TREML4: variants seen among roughly 807,000 people sequenced by gnomAD.
TREML4 encodes the protein triggering receptor expressed on myeloid cells like 4.
A neutral mutation model predicts 25.4 loss-of-function variants in TREML4; 25 were observed. That is an observed-to-expected ratio of 0.98 (90% CI 0.72 to 1.37). The LOEUF (loss-of-function observed/expected upper bound fraction) is 1.37, where lower values mean the gene tolerates loss of function less well. Among genes scored for constraint, TREML4 ranks in the 40% most tolerant of loss-of-function variants. The pLI is 0.00. For missense variants in TREML4, 268 were observed against 236.5 expected, an observed-to-expected ratio of 1.13 and a Z score of -0.87; for synonymous variants, 92 against 87.9, an observed-to-expected ratio of 1.05 and a Z score of -0.26.
In TREML4 at chr6:41,229,504, C is replaced by T; in HGVS notation, c.395-17C>T. On this transcript the variant is annotated splice_polypyrimidine_tract_variant and intron_variant, in intron 2 of 5. Coordinates refer to ENST00000341495, the MANE Select transcript of TREML4 (RefSeq NM_198153.3). ...TGGGCCCCTGGAGAGTCATTGTCTGCTGTCTTTTCTCTTTAGCCCCAACCA... is the reference window on the plus strand; with the variant it reads ...TGGGCCCCTGGAGAGTCATTGTCTGTTGTCTTTTCTCTTTAGCCCCAACCA... 6.2e-7 allele frequency: 1 copy of T among 1,613,760 alleles called. No homozygotes were observed. The highest frequency in any genetic ancestry group is 2.2e-5 in the East Asian group (1 of 44,846).
rs1766944538 is a variant in TREML4 at position 41,238,574 on chromosome 6, G to T, written c.*1555G>T. 6.6e-6 allele frequency: 1 copy of T among 152,106 alleles called. No homozygotes were observed. Among genetic ancestry groups the T allele is most frequent in the Non-Finnish European group, 1.5e-5 (1 of 68,026 alleles). 9.4% of individuals were successfully genotyped at this position (152,106 alleles called of 1,614,324 possible). Reference sequence around the variant, plus strand: ...ATACCCTCCTTCACGTTCTCTTGTGGAATCATGTGAGACTTCCTTTAGGAC... The same window carrying T: ...ATACCCTCCTTCACGTTCTCTTGTGTAATCATGTGAGACTTCCTTTAGGAC... On this transcript the variant is annotated 3_prime_UTR_variant, in exon 6 of 6. Coordinates refer to ENST00000341495, the MANE Select transcript of TREML4 (RefSeq NM_198153.3).
chr6:41,229,709 C>T (rs1766750120), intron 3 of TREML4, 138 bp downstream of exon 3: 1 of 853,416 alleles, frequency 1.2e-6, no homozygotes, highest in Non-Finnish European at 2.0e-6. Context: ...GGGAAGCTAC[C>T]TTCAGGGCCC....
At chr6:41,232,043 A>T (rs1034706293) in intron 4 of TREML4, among the ~76,000 whole-genome samples, 11 of 152,172 alleles carry the variant, frequency 7.2e-5, no homozygotes, top group Non-Finnish European at 1.2e-4. Flanking sequence ...GATCACCTAC[A>T]AAGTGATAAG....
intron 4 of TREML4, among the ~76,000 whole-genome samples, chr6:41,235,790 A>T (rs6906972): frequency 0.34 from 51,662 of 152,040 alleles, 8,780 homozygotes; most frequent in Middle Eastern, 0.43. Context: ...AACTTGAAAA[A>T]TTTACTCTAA....
chr6:41,236,266 G>C (rs1438113944), intron 4 of TREML4, among the ~76,000 whole-genome samples: 1 of 152,112 alleles, frequency 6.6e-6, no homozygotes, highest in African/African-American at 2.4e-5. Flanking sequence ...CCCCTGGCCA[G>C]CTTTTTCCTC....
At position 41,228,401 on chromosome 6, in the gene TREML4, C is replaced by T. The variant is rs369584007; in HGVS notation, c.-27C>T. On this transcript the variant is annotated 5_prime_UTR_variant, in exon 1 of 6. Coordinates refer to ENST00000341495, the MANE Select transcript of TREML4 (RefSeq NM_198153.3). ...GGGCTCCCTTTTTTCTCCTCTCCTC[C>T]GCTGTCAGAAACAGATCTGGGCTGG... 217 of 1,585,544 alleles carry T rather than the reference C, an allele frequency of 1.4e-4. No individual in the cohort carries two copies. The highest frequency in any genetic ancestry group is 1.7e-4 in the Non-Finnish European group (201 of 1,163,780).
chr6:41,231,534 T>C (rs1487193806), intron 4 of TREML4, among the ~76,000 whole-genome samples: 1 of 152,124 alleles, frequency 6.6e-6, no homozygotes, highest in East Asian at 1.9e-4. Flanking sequence ...CCAGGAACTC[T>C]AGGTACCTAT....
rs762566399 is a variant in TREML4, at chr6:41,229,507, T to C, written c.395-14T>C. 7.4e-6 allele frequency: 12 copies of C among 1,613,670 alleles called. No homozygotes were observed. In the East Asian group the frequency reaches 2.5e-4, roughly 33 times the overall value. The stretch of plus-strand genomic sequence containing the variant: ...GCCCCTGGAGAGTCATTGTCTGCTG[T>C]CTTTTCTCTTTAGCCCCAACCACGT... On this transcript the variant is annotated splice_polypyrimidine_tract_variant and intron_variant, in intron 2 of 5. Coordinates refer to ENST00000341495, the MANE Select transcript of TREML4 (RefSeq NM_198153.3).
intron 4 of TREML4, 37 bp downstream of exon 4, chr6:41,230,159 G>C (rs776737909): frequency 6.6e-7 from 1 of 1,526,492 alleles, no homozygotes; most frequent in East Asian, 2.3e-5. Flanking sequence ...GGGAGGTCTT[G>C]GGAAGGGAGG....
rs1055862594 is a variant in TREML4, at chr6:41,230,122, G to T, written c.506G>T (p.Arg169Met). The T allele has an allele frequency of 7.5e-6, 12 of 1,607,338 alleles. No homozygotes were observed. Among genetic ancestry groups the T allele is most frequent in the Admixed American group, 3.3e-5 (2 of 60,018 alleles). ...CCCTCCATCAATGGCTCTGAGACCA[G>T]GTAGGTCAGAGGTTTTAACACTGGG... Reference protein sequence around the residue: ...GHPSINGSETRKSRAPACLGS... With the variant: ...GHPSINGSETMKSRAPACLGS... The change falls in exon 4 of 6, where the codon AGG becomes ATG. Residue 169 changes from arginine to methionine, a missense_variant and splice_region_variant. By Grantham distance (91) the Arg-to-Met change is moderately conservative. Transcript: ENST00000341495.
intron 4 of TREML4, among the ~76,000 whole-genome samples, chr6:41,233,340 T>C (rs1766836810): frequency 1.3e-5 from 2 of 152,196 alleles, no homozygotes; most frequent in Non-Finnish European, 1.5e-5. Context: ...TGCAATGTTA[T>C]ACTATCTATA....
chr6:41,229,689 C>T, intron 3 of TREML4, 118 bp downstream of exon 3: 2 of 1,099,136 alleles, frequency 1.8e-6, no homozygotes, highest in Non-Finnish European at 2.8e-6. Context: ...CTCTTGGGGC[C>T]TGGGCTTGTG....
At chr6:41,233,046 G>A (rs1426130891) in intron 4 of TREML4, among the ~76,000 whole-genome samples, 1 of 152,180 alleles carries the variant, frequency 6.6e-6, no homozygotes, top group Non-Finnish European at 1.5e-5. Context: ...CTTGTCTCAT[G>A]AGAGGCAATA....
Position 41,238,820 on chromosome 6 carries a change from T to C in TREML4, c.*1801T>C, listed in dbSNP as rs1239539876. Reference sequence around the variant, plus strand: ...GAGTGATGCTACATGGGGCTAGATATATGATTATCTCTACTTTTGTGTATG... The same window carrying C: ...GAGTGATGCTACATGGGGCTAGATACATGATTATCTCTACTTTTGTGTATG... On this transcript the variant is annotated 3_prime_UTR_variant, in exon 6 of 6. Transcript: ENST00000341495. 1 of 152,234 alleles carries C rather than the reference T, an allele frequency of 6.6e-6. No homozygotes were observed. 9.4% of individuals were successfully genotyped at this position (152,234 alleles called of 1,614,324 possible).
chr6:41,235,350 C>T (rs1004755629), intron 4 of TREML4, among the ~76,000 whole-genome samples: 2 of 152,072 alleles, frequency 1.3e-5, no homozygotes, highest in African/African-American at 4.8e-5. Flanking sequence ...GAAAGGAAAA[C>T]AGGTTACATG....
chr6:41,228,502 G>T lies in TREML4; in HGVS notation c.63+12G>T. 6.2e-7 allele frequency: 1 copy of T among 1,611,402 alleles called. No individual in the cohort carries two copies. Among genetic ancestry groups the T allele is most frequent in the Non-Finnish European group, 8.5e-7 (1 of 1,178,958 alleles). On this transcript the variant is annotated intron_variant, in intron 1 of 5. Transcript: ENST00000341495. The stretch of plus-strand genomic sequence containing the variant: ...GCTCCTGGCCTCAGGTGACATGGAG[G>T]GAAAGAGTGCAGGGGGTGTAAGGAG...
intron 5 of TREML4, 71 bp downstream of exon 5, chr6:41,236,688 G>A: frequency 1.2e-6 from 1 of 832,902 alleles, no homozygotes; most frequent in Non-Finnish European, 1.9e-6. Context: ...AAGATGGCTA[G>A]GAAGAAGCAG....
rs998401731 is a variant in TREML4, at chr6:41,238,435, T to A, written c.*1416T>A. ...TGCTGGGCACATATACACAGCCCAC[T>A]TCTTTTCAGTGCTTATTCCATTGCG... On this transcript the variant is annotated 3_prime_UTR_variant, in exon 6 of 6. Coordinates refer to ENST00000341495, the MANE Select transcript of TREML4 (RefSeq NM_198153.3). The A allele has an allele frequency of 6.6e-6, 1 of 152,356 alleles. No individual in the cohort carries two copies. The highest frequency in any genetic ancestry group is 2.4e-5 in the African/African-American group (1 of 41,578). The allele number at this position is 152,356 out of a possible 1,614,324, so 9.4% of individuals were successfully genotyped here.
chr6:41,229,633 G>A (rs866397182), intron 3 of TREML4, 62 bp downstream of exon 3: 1 of 1,575,592 alleles, frequency 6.3e-7, no homozygotes, highest in Non-Finnish European at 8.7e-7. Flanking sequence ...GGGAGCCTCA[G>A]ATTCAGGGAA....
Sources: allele counts gnomAD v4.1 joint callset (sites outside exome capture counted in the v4.1 genomes callset), GRCh38; gene constraint gnomAD v4.1.1; transcripts MANE v1.5; gene names NCBI Gene and HGNC (gene_info 2026-07-23, HGNC 2026-07-21).